CHODL: variants seen among roughly 807,000 people sequenced by gnomAD.
CHODL encodes chondrolectin.
Under a neutral mutation model 34.5 loss-of-function variants are expected in CHODL, and 29 were observed. That is an observed-to-expected ratio of 0.84 (90% confidence interval 0.63 to 1.15). The LOEUF (loss-of-function observed/expected upper bound fraction) is 1.15, where lower values mean the gene tolerates loss of function less well. Among genes scored for constraint, CHODL ranks in the 50% most tolerant of loss-of-function variants. The pLI is 0.00. For missense variants in CHODL, 332 were observed against 332.5 expected (o/e 1.00, Z 0.01); for synonymous variants, 125 against 116.1 (o/e 1.08, Z -0.49).
intron 2 of CHODL, among the ~76,000 whole-genome samples, chr21:18,162,132 G>A (rs2073102634): frequency 6.6e-6 from 1 of 152,136 alleles, no homozygotes; most frequent in Admixed American, 6.5e-5. Flanking sequence ...GACCTCTAAT[G>A]CCATGAAATG....
intron 1 of CHODL, among the ~76,000 whole-genome samples, chr21:18,024,981 A>G (rs1312816878): frequency 6.6e-6 from 1 of 152,186 alleles, no homozygotes; most frequent in Non-Finnish European, 1.5e-5. Flanking sequence ...TGGGACTTAT[A>G]CCTGCTTGAC....
At chr21:18,175,460 G>A (rs1403855911) in intron 2 of CHODL, among the ~76,000 whole-genome samples, 6 of 152,094 alleles carry the variant, frequency 3.9e-5, no homozygotes, top group Non-Finnish European at 5.9e-5. Context: ...GGGCGTGGTG[G>A]TGTGTGCCTA....
intron 2 of CHODL, among the ~76,000 whole-genome samples, chr21:18,138,723 T>TTTC (rs1194091408): frequency 1.3e-5 from 2 of 152,290 alleles, no homozygotes; most frequent in East Asian, 3.9e-4. Flanking sequence ...TTAGTACTGG[T>TTTC]TGCATACTTT....
At chr21:18,104,408 C>T (rs1568888191) in intron 2 of CHODL, among the ~76,000 whole-genome samples, 1 of 152,168 alleles carries the variant, frequency 6.6e-6, no homozygotes, top group Non-Finnish European at 1.5e-5. Context: ...TCCCCTTCGC[C>T]TTCCGCCATG....
At position 17,918,637 on chromosome 21, in the gene CHODL, A is replaced by G. The variant is rs980524077; in HGVS notation, c.-145+1237A>G. ...AGATGAGATATGGGTGGGGACACAG[A>G]CAAAGCATATCATTCTACCCCAGCC... On this transcript the variant is annotated intron_variant, in intron 1 of 6. Transcript: ENST00000400127. 5.3e-5 allele frequency among the ~76,000 whole-genome samples: 8 copies of G among 152,302 alleles called. No homozygotes were observed. In the East Asian group the frequency reaches 9.6e-4, roughly 18 times the overall value.
chr21:18,013,622 T>G (rs1013705959), intron 1 of CHODL, among the ~76,000 whole-genome samples: 1 of 149,486 alleles, frequency 6.7e-6, no homozygotes. Flanking sequence ...TCATTGATTT[T>G]CTGCTGCTGC....
At chr21:17,984,792 A>G (rs1386531930) in intron 1 of CHODL, among the ~76,000 whole-genome samples, 1 of 151,980 alleles carries the variant, frequency 6.6e-6, no homozygotes, top group Non-Finnish European at 1.5e-5. Context: ...TTGGCCTAAG[A>G]TTGGAGGTTT....
chr21:18,125,198 A>G (rs562937798), intron 2 of CHODL, among the ~76,000 whole-genome samples: 22 of 152,266 alleles, frequency 1.4e-4, no homozygotes, highest in South Asian at 6.2e-4. Context: ...GAGCACTGCT[A>G]TAAGGATTTA....
chr21:18,189,016 C>T (rs2073478415), intron 2 of CHODL, among the ~76,000 whole-genome samples: 1 of 152,110 alleles, frequency 6.6e-6, no homozygotes, highest in Non-Finnish European at 1.5e-5. Context: ...TGCAATAGCC[C>T]TTGTGCGCAA....
At chr21:18,232,947 ATATATATATATATATATATATATATG>A (rs2073995046) in intron 2 of CHODL, among the ~76,000 whole-genome samples, 3 of 132,504 alleles carry the variant, frequency 2.3e-5, no homozygotes, top group African/African-American at 9.4e-5. Context: ...GTTATGATAT[ATATATATATATATATATATATATATG>A]TATATATATG....
intron 3 of CHODL, among the ~76,000 whole-genome samples, chr21:18,259,518 CTTAAAAG>C (rs560684791): frequency 1.1e-4 from 16 of 152,016 alleles, no homozygotes; most frequent in South Asian, 4.1e-4. Context: ...TACCCCTGAA[CTTAAAAG>C]TTAGAAGAAC....
rs1601232858 is a variant in CHODL, at chr21:18,265,981, C to T, written c.765C>T (p.Asn255=). 2 of 1,612,928 alleles carry T rather than the reference C, an allele frequency of 1.2e-6. No homozygotes were observed. The highest frequency in any genetic ancestry group is 1.7e-6 in the Non-Finnish European group (2 of 1,179,536). The change falls in exon 6 of 6, where the codon AAC becomes AAT. Residue 255 remains asparagine, a synonymous_variant. Coordinates refer to ENST00000299295, the MANE Select transcript of CHODL (RefSeq NM_024944.3). ...AAGGAAGAACAAAAACTAGTCCAAA[C>T]CAGTCTACACTGTGGATTTCAAAGA... is the stretch of plus-strand genomic sequence containing the variant. ...KSKGRTKTSP[N]QSTLWISKST...
At chr21:18,048,774 T>C (rs2064476451) in intron 2 of CHODL, among the ~76,000 whole-genome samples, 1 of 151,962 alleles carries the variant, frequency 6.6e-6, no homozygotes, top group South Asian at 2.1e-4. Flanking sequence ...CTATTTTGCA[T>C]TTACAGTTGT....
At chr21:17,948,253 A>C (rs982053861) in intron 1 of CHODL, among the ~76,000 whole-genome samples, 9 of 152,102 alleles carry the variant, frequency 5.9e-5, no homozygotes, top group Admixed American at 2.0e-4. Flanking sequence ...ACCTCTACAT[A>C]ATAATCCATG....
chr21:18,180,299 C>A (rs1021163984), intron 2 of CHODL, among the ~76,000 whole-genome samples: 1 of 152,142 alleles, frequency 6.6e-6, no homozygotes, highest in Non-Finnish European at 1.5e-5. Context: ...ACCACAGGCA[C>A]GCACCACCAC....
At chr21:18,111,764 C>G (rs1210406025) in intron 2 of CHODL, among the ~76,000 whole-genome samples, 10 of 152,168 alleles carry the variant, frequency 6.6e-5, no homozygotes, top group Admixed American at 6.5e-4. Context: ...TTTATATTCA[C>G]AATTATAAAG....
intron 2 of CHODL, among the ~76,000 whole-genome samples, chr21:18,222,568 G>A (rs1171511004): frequency 5.3e-5 from 8 of 152,088 alleles, no homozygotes; most frequent in Admixed American, 5.2e-4. Flanking sequence ...GCTGTCTGTG[G>A]TGGGAATGTG....
intron 2 of CHODL, among the ~76,000 whole-genome samples, chr21:18,153,539 T>TC (rs748937493): frequency 4.6e-5 from 7 of 152,144 alleles, no homozygotes; most frequent in Non-Finnish European, 1.0e-4. Context: ...TCTGCCTTTT[T>TC]CCCTGCTTTT....
At chr21:18,112,093 G>A (rs1348923735) in intron 2 of CHODL, among the ~76,000 whole-genome samples, 2 of 152,178 alleles carry the variant, frequency 1.3e-5, no homozygotes, top group African/African-American at 4.8e-5. Flanking sequence ...CAACAGATTG[G>A]TGAGGACATG....
Sources: allele counts gnomAD v4.1 joint callset (sites outside exome capture counted in the v4.1 genomes callset), GRCh38; gene constraint gnomAD v4.1.1; transcripts MANE v1.5; gene names NCBI Gene and HGNC (gene_info 2026-07-23, HGNC 2026-07-21).